CD99L2: variants seen among roughly 807,000 people sequenced by gnomAD.
The protein encoded by CD99L2 is CD99 molecule like 2.
Under a neutral mutation model 27.3 loss-of-function variants are expected in CD99L2, and 24 were observed. That is an observed-to-expected ratio of 0.88 (90% confidence interval 0.64 to 1.24). CD99L2 has a LOEUF of 1.24. Among genes scored for constraint, CD99L2 ranks in the 50% most tolerant of loss-of-function variants. The pLI is 0.00. For missense variants in CD99L2, 255 were observed against 221.6 expected (o/e 1.15, Z -0.96); for synonymous variants, 97 against 87.9 (o/e 1.10, Z -0.58).
chrX:150,824,683 A>G (rs28558455), intron 2 of CD99L2, among the ~76,000 whole-genome samples: 840 of 41,604 alleles, frequency 0.02, 14 homozygotes, highest in Middle Eastern at 0.077. Flanking sequence ...AGGAAGAAGA[A>G]GAAGAGGAAG....
chrX:150,838,258 G>A (rs2046563394), intron 1 of CD99L2, among the ~76,000 whole-genome samples: 1 of 112,180 alleles, frequency 8.9e-6, no homozygotes, highest in East Asian at 2.8e-4. Context: ...TTAAGAAGAC[G>A]TAAGGACTGA....
At chrX:150,868,317 C>G (rs1043224364) in intron 1 of CD99L2, among the ~76,000 whole-genome samples, 2 of 110,507 alleles carry the variant, frequency 1.8e-5, no homozygotes, top group Admixed American at 9.7e-5. Context: ...CACTTGAGAT[C>G]AGGAGCTCGA....
chrX:150,807,051 T>C (rs1244606510), intron 4 of CD99L2, among the ~76,000 whole-genome samples: 2 of 111,735 alleles, frequency 1.8e-5, no homozygotes, highest in African/African-American at 6.5e-5. Context: ...AGTAAATCTT[T>C]ACAGAGCAAA....
intron 2 of CD99L2, among the ~76,000 whole-genome samples, chrX:150,825,411 C>T (rs1201529062): frequency 3.6e-5 from 4 of 111,898 alleles, no homozygotes; most frequent in African/African-American, 9.7e-5. Context: ...ATTACGGTAC[C>T]ACATAGTTCC....
chrX:150,885,834 G>T (rs1305912049), intron 1 of CD99L2, among the ~76,000 whole-genome samples: 14 of 112,193 alleles, frequency 1.2e-4, no homozygotes, highest in African/African-American at 4.5e-4. Flanking sequence ...GGCTCATTTT[G>T]CTGTTTATTC....
chrX:150,788,426 A>G (rs2045633607), intron 7 of CD99L2, among the ~76,000 whole-genome samples: 1 of 111,478 alleles, frequency 9.0e-6, no homozygotes, highest in Admixed American at 9.5e-5. Flanking sequence ...GACAAGCTGG[A>G]GCAAAGATAC....
intron 1 of CD99L2, among the ~76,000 whole-genome samples, chrX:150,876,001 T>C (rs2047222894): frequency 8.9e-6 from 1 of 112,470 alleles, no homozygotes; most frequent in Non-Finnish European, 1.9e-5. Flanking sequence ...AAGACTGCCT[T>C]TGTTCATGTC....
At chrX:150,896,359 C>T (rs7889077) in intron 1 of CD99L2, among the ~76,000 whole-genome samples, 6,429 of 112,095 alleles carry the variant, frequency 0.057, 400 homozygotes, top group African/African-American at 0.18. Flanking sequence ...GATCAGGCCA[C>T]TGCACTCCAG....
At chrX:150,838,831 A>G (rs782311727) in intron 1 of CD99L2, among the ~76,000 whole-genome samples, 14 of 102,502 alleles carry the variant, frequency 1.4e-4, no homozygotes, top group Non-Finnish European at 2.4e-4. Context: ...TTGGGACTAC[A>G]GGCATGAGCC....
chrX:150,843,782 T>C (rs2046658979), intron 1 of CD99L2, among the ~76,000 whole-genome samples: 1 of 111,615 alleles, frequency 9.0e-6, no homozygotes, highest in Admixed American at 9.5e-5. Flanking sequence ...TCCATTTCTC[T>C]GCCTTAATGG....
rs1557420476 is a variant in CD99L2 at position 150,816,071 on chromosome X, C to A, written c.138G>T (p.Trp46Cys). The A allele has an allele frequency of 8.3e-7, 1 of 1,210,784 alleles. No homozygotes were observed. Among genetic ancestry groups the A allele is most frequent in the Non-Finnish European group, 1.1e-6 (1 of 895,116 alleles). Residue 46 changes from tryptophan (W) to cysteine (C), a missense_variant, in exon 3 of 11, where the codon TGG (tryptophan) becomes TGT (cysteine). By Grantham distance (215) the Trp-to-Cys change is radical. Transcript: ENST00000370377. ...TGGTTGTGGTGGTGGTGGTGTGGTCCCATGGCTCTAAAAGGGAGAGGGAGG... is the reference window on the plus strand; with the variant it reads ...TGGTTGTGGTGGTGGTGGTGTGGTCACATGGCTCTAAAAGGGAGAGGGAGG... ...VKETSSVKQP[W>C]DHTTTTTTNR...
chrX:150,858,842 T>A (rs1169891239), intron 1 of CD99L2, among the ~76,000 whole-genome samples: 1 of 109,981 alleles, frequency 9.1e-6, no homozygotes, highest in Non-Finnish European at 1.9e-5. Flanking sequence ...GAAAGAAAGA[T>A]CAGAGCAGAA....
chrX:150,816,835 G>A (rs2124186448), intron 2 of CD99L2, among the ~76,000 whole-genome samples: 1 of 109,767 alleles, frequency 9.1e-6, no homozygotes, highest in African/African-American at 3.3e-5. Flanking sequence ...AAGAAAATGT[G>A]GCACATATAC....
At chrX:150,831,029 G>A (rs781928665) in intron 2 of CD99L2, among the ~76,000 whole-genome samples, 24 of 110,786 alleles carry the variant, frequency 2.2e-4, no homozygotes, top group Non-Finnish European at 4.3e-4. Context: ...GGCTGGTCTC[G>A]AACTTCTGAC....
At chrX:150,782,737 A>G (rs1557419456) in intron 7 of CD99L2, among the ~76,000 whole-genome samples, 2 of 111,530 alleles carry the variant, frequency 1.8e-5, no homozygotes, top group South Asian at 3.8e-4. Context: ...ACTCTCAGGT[A>G]TCTCTTCTTA....
intron 1 of CD99L2, among the ~76,000 whole-genome samples, chrX:150,836,497 T>C (rs782413539): frequency 6.2e-4 from 69 of 110,422 alleles, no homozygotes; most frequent in Non-Finnish European, 3.2e-4. Flanking sequence ...CCAGCTAATT[T>C]TGTATTTTTG....
intron 8 of CD99L2, among the ~76,000 whole-genome samples, chrX:150,776,653 G>A (rs1248288396): frequency 9.0e-6 from 1 of 111,508 alleles, no homozygotes; most frequent in African/African-American, 3.3e-5. Context: ...CCCCTCTATT[G>A]GCCTCATGAT....
At chrX:150,897,803 T>C (rs1026489565) in intron 1 of CD99L2, among the ~76,000 whole-genome samples, 3 of 111,413 alleles carry the variant, frequency 2.7e-5, no homozygotes, top group African/African-American at 6.5e-5. Context: ...GCGGATCTAG[T>C]TGAAATGCAG....
chrX:150,810,099 A>G (rs1377209927), intron 4 of CD99L2, among the ~76,000 whole-genome samples: 2 of 112,144 alleles, frequency 1.8e-5, no homozygotes, highest in African/African-American at 6.5e-5. Context: ...CAATACAATA[A>G]CTATCGAAAT....
Sources: gnomAD v4.1 joint callset for allele counts (sites outside exome capture counted in the v4.1 genomes callset) on GRCh38, gnomAD v4.1.1 for gene constraint, MANE v1.5 for transcripts, NCBI Gene and HGNC (gene_info 2026-07-23, HGNC 2026-07-21) for gene names.